ACAD9: variants seen among roughly 807,000 people sequenced by gnomAD.
ACAD9 encodes complex I assembly factor ACAD9, mitochondrial.
ACAD9 carries 53 observed loss-of-function variants against 70.2 expected under a neutral mutation model. The ratio of observed to expected loss-of-function variants is 0.75; its 90% CI spans 0.61 to 0.95. ACAD9 has a LOEUF of 0.95. Ranked by LOEUF, ACAD9 falls within the 40% of genes least tolerant of loss-of-function variation. The probability of loss-of-function intolerance (pLI) is 0.00; values close to 1 mark genes in which losing one functional copy is unlikely to be tolerated. For missense variants in ACAD9, 777 were observed against 802.8 expected, an observed-to-expected ratio of 0.97 and a Z score of 0.39; for synonymous variants, 313 against 312.1, an observed-to-expected ratio of 1.00 and a Z score of -0.03.
Position 128,912,628 on chromosome 3 carries a change from G to A in ACAD9, c.*21G>A, listed in dbSNP as rs981003052. On this transcript the variant is annotated 3_prime_UTR_variant, in exon 18 of 18. Transcript: ENST00000308982. Reference sequence around the variant, plus strand: ...GCTGAGGCAGGGGACAGTGTCCCCTGCTACCGCCCGCCCCTACCCATGGCC... The same window carrying A: ...GCTGAGGCAGGGGACAGTGTCCCCTACTACCGCCCGCCCCTACCCATGGCC... 3 of 1,595,668 alleles carry A rather than the reference G, an allele frequency of 1.9e-6. No individual in the cohort carries two copies. The African/African-American group carries it at 4.0e-5, about 21-fold the overall frequency.
chr3:128,882,533 G>A (rs919529616), intron 1 of ACAD9, among the ~76,000 whole-genome samples: 1 of 152,198 alleles, frequency 6.6e-6, no homozygotes, highest in Non-Finnish European at 1.5e-5. Flanking sequence ...AGAAACATGG[G>A]ACATGATGCT....
rs761385146 is a variant in ACAD9 at position 128,879,696 on chromosome 3, G to A, written c.5G>A (p.Ser2Asn). ...GGCTGGGGAACATCGGGCAGCATGA[G>A]CGGCTGCGGGCTCTTCCTGCGCACC... M[S>N]GCGLFLRTTA... The change falls in exon 1 of 18, where the codon AGC (serine) becomes AAC (asparagine). Residue 2 changes from serine (S) to asparagine (N), a missense_variant. Coordinates refer to ENST00000308982, the MANE Select transcript of ACAD9 (RefSeq NM_014049.5). 2 of 1,612,404 alleles carry A rather than the reference G, an allele frequency of 1.2e-6. No homozygotes were observed. Among genetic ancestry groups the A allele is most frequent in the African/African-American group, 1.3e-5 (1 of 75,010 alleles).
chr3:128,894,033 A>G (rs1576336814), intron 3 of ACAD9, among the ~76,000 whole-genome samples: 1 of 152,254 alleles, frequency 6.6e-6, no homozygotes, highest in East Asian at 1.9e-4. Flanking sequence ...AGTCACTACA[A>G]CTTGCCTCCC....
At chr3:128,903,724 C>A (rs975413047) in intron 9 of ACAD9, among the ~76,000 whole-genome samples, 1 of 152,240 alleles carries the variant, frequency 6.6e-6, no homozygotes, top group African/African-American at 2.4e-5. Context: ...GCGCCCTCCC[C>A]CTTCCACCTG....
At chr3:128,881,995 A>G (rs1303535620) in intron 1 of ACAD9, among the ~76,000 whole-genome samples, 1 of 151,940 alleles carries the variant, frequency 6.6e-6, no homozygotes, top group Non-Finnish European at 1.5e-5. Context: ...TTCAGTTCAG[A>G]TTTCTCCCTG....
intron 17 of ACAD9, 24 bp from the exon 18 acceptor site, chr3:128,912,483 A>G (rs369082243): frequency 1.2e-6 from 2 of 1,600,040 alleles, no homozygotes; most frequent in East Asian, 2.2e-5. Flanking sequence ...AAGATCACCC[A>G]CCATCTCTCC....
intron 12 of ACAD9, among the ~76,000 whole-genome samples, chr3:128,907,102 TG>T (rs1559829620): frequency 6.6e-6 from 1 of 151,932 alleles, no homozygotes; most frequent in Non-Finnish European, 1.5e-5. Flanking sequence ...ATGGTGGGCA[TG>T]GGTATACAGG....
At position 128,879,756 on chromosome 3, in the gene ACAD9, T is replaced by A. The variant is rs1405896778; in HGVS notation, c.65T>A (p.Val22Asp). ...AAARACRGLV[V>D]STANRRLLRT... ...GCTCGTGCCTGCCGGGGTCTGGTGG[T>A]CTCTACCGCGAACCGGCGGCTACTG... Residue 22 changes from valine to aspartate, a missense_variant, in exon 1 of 18, where the codon GTC (valine) becomes GAC (aspartate). Coordinates refer to ENST00000308982, the MANE Select transcript of ACAD9 (RefSeq NM_014049.5). The A allele has an allele frequency of 6.2e-7, 1 of 1,612,930 alleles. No homozygotes were observed. The highest frequency in any genetic ancestry group is 8.5e-7 in the Non-Finnish European group (1 of 1,179,990).
chr3:128,896,459 G>A lies in ACAD9; in HGVS notation c.477G>A (p.Glu159=), dbSNP rs746973128. ...AGGGGATCATCTTGGCTGGCACTGA[G>A]GAGCAGAAAGCCAAATACTTGCCTA... ...GLKGIILAGT[E]EQKAKYLPKL... is the part of the protein sequence containing the mutation. Residue 159 remains glutamate, a synonymous_variant, in exon 5 of 18, where the codon GAG becomes GAA. Transcript: ENST00000308982. The A allele has an allele frequency of 6.2e-7, 1 of 1,614,238 alleles. No homozygotes were observed. The highest frequency in any genetic ancestry group is 1.1e-5 in the South Asian group (1 of 91,088).
intron 2 of ACAD9, among the ~76,000 whole-genome samples, chr3:128,888,095 C>G (rs1935305921): frequency 1.3e-5 from 2 of 152,160 alleles, no homozygotes; most frequent in South Asian, 4.1e-4. Flanking sequence ...CTTTGAGTGA[C>G]TTATATGCAA....
intron 2 of ACAD9, among the ~76,000 whole-genome samples, chr3:128,889,801 G>A (rs1422049617): frequency 2.6e-5 from 4 of 152,062 alleles, no homozygotes; most frequent in Non-Finnish European, 5.9e-5. Flanking sequence ...CAAAAAAGTT[G>A]CCATAAACAT....
At chr3:128,896,807 A>T (rs192202177) in intron 5 of ACAD9, among the ~76,000 whole-genome samples, 5 of 152,312 alleles carry the variant, frequency 3.3e-5, no homozygotes, top group Admixed American at 6.5e-5. Context: ...CAATATAGTA[A>T]TAACGTTCCG....
chr3:128,903,231 C>G (rs1015189698), intron 9 of ACAD9, among the ~76,000 whole-genome samples: 4 of 152,226 alleles, frequency 2.6e-5, no homozygotes, highest in Admixed American at 1.3e-4. Flanking sequence ...CAGCACACCC[C>G]TAAGTGCTTT....
At chr3:128,885,985 C>G (rs1229598849) in intron 2 of ACAD9, among the ~76,000 whole-genome samples, 1 of 151,408 alleles carries the variant, frequency 6.6e-6, no homozygotes, top group African/African-American at 2.4e-5. Context: ...CCACTGCACT[C>G]CAGCCTGGGT....
chr3:128,906,543 CAG>C (rs779469975), intron 12 of ACAD9, among the ~76,000 whole-genome samples: 1 of 152,132 alleles, frequency 6.6e-6, no homozygotes, highest in African/African-American at 2.4e-5. Flanking sequence ...AGGGAGATGA[CAG>C]AGTGTAAAGA....
At chr3:128,901,992 T>G (rs1000010254) in intron 8 of ACAD9, among the ~76,000 whole-genome samples, 1 of 152,210 alleles carries the variant, frequency 6.6e-6, no homozygotes, top group African/African-American at 2.4e-5. Context: ...TCTCTCACAT[T>G]GCGTGATGTT....
chr3:128,906,008 C>T, intron 11 of ACAD9, 113 bp from the exon 12 acceptor site: 3 of 1,469,686 alleles, frequency 2.0e-6, no homozygotes, highest in Non-Finnish European at 2.8e-6. Flanking sequence ...CCTCAAGTTC[C>T]TCCCTGGCCG....
intron 2 of ACAD9, among the ~76,000 whole-genome samples, chr3:128,885,806 C>T (rs997606499): frequency 2.0e-5 from 3 of 152,134 alleles, no homozygotes; most frequent in African/African-American, 7.2e-5. Flanking sequence ...CACCTGAGGT[C>T]TGGAGTTCAA....
chr3:128,900,379 A>G (rs1266678803), intron 7 of ACAD9, among the ~76,000 whole-genome samples: 1 of 152,180 alleles, frequency 6.6e-6, no homozygotes, highest in African/African-American at 2.4e-5. Context: ...CTGGGACTAC[A>G]GCTGCCTGCC....
Sources: gnomAD v4.1 joint callset for allele counts (sites outside exome capture counted in the v4.1 genomes callset) on GRCh38, gnomAD v4.1.1 for gene constraint, MANE v1.5 for transcripts, NCBI Gene and HGNC (gene_info 2026-07-23, HGNC 2026-07-21) for gene names.